The following PTPN12 variants were observed in gnomAD, a reference collection of about 807,000 sequenced individuals.
The protein encoded by PTPN12 is protein tyrosine phosphatase non-receptor type 12.
A neutral mutation model predicts 97.6 loss-of-function variants in PTPN12; 29 were observed. The ratio of observed to expected loss-of-function variants is 0.30; its 90% CI spans 0.22 to 0.41. The LOEUF (loss-of-function observed/expected upper bound fraction) is 0.41. PTPN12 is among the 10% of genes least tolerant of loss of function. The pLI is 1.00. For synonymous variants in PTPN12, 327 were observed against 300.4 expected (o/e 1.09, Z -0.91); for missense variants, 819 against 926.0 (o/e 0.88, Z 1.50).
chr7:77,625,905 AG>A (rs1789163371), intron 12 of PTPN12, among the ~76,000 whole-genome samples: 1 of 152,078 alleles, frequency 6.6e-6, no homozygotes, highest in Non-Finnish European at 1.5e-5. Context: ...AGGCAACTAG[AG>A]GGTATAACCC....
In PTPN12 at chr7:77,639,424, C is replaced by G; in HGVS notation, c.*144C>G. ...AATATTTTTTGCTGGGACCATCTACCTGCCTTATACTACACTTAGGAAAAA... is the reference window on the plus strand; with the variant it reads ...AATATTTTTTGCTGGGACCATCTACGTGCCTTATACTACACTTAGGAAAAA... On this transcript the variant is annotated 3_prime_UTR_variant, in exon 18 of 18. Coordinates refer to ENST00000248594, the MANE Select transcript of PTPN12 (RefSeq NM_002835.4). 1.6e-6 allele frequency: 1 copy of G among 608,556 alleles called. No individual in the cohort carries two copies. The highest frequency in any genetic ancestry group is 2.8e-6 in the Non-Finnish European group (1 of 351,828). 37.7% of individuals were successfully genotyped at this position (608,556 alleles called of 1,614,324 possible). A position where few individuals can be genotyped will look rare whatever the true frequency, so the allele number is the denominator to read the frequency against.
chr7:77,580,609 T>A (rs1787482857), intron 2 of PTPN12, among the ~76,000 whole-genome samples: 1 of 152,134 alleles, frequency 6.6e-6, no homozygotes, highest in Admixed American at 6.5e-5. Flanking sequence ...GTCTAATTTT[T>A]AAAAATTATA....
In PTPN12 at chr7:77,537,453, C is replaced by A; in HGVS notation, c.-94C>A. On this transcript the variant is annotated 5_prime_UTR_variant, in exon 1 of 18. It adds an upstream start codon to the 5' untranslated region. Coordinates refer to ENST00000248594, the MANE Select transcript of PTPN12 (RefSeq NM_002835.4). ...GGCGGGGTCGGGAGGGAGGGACGTGCTGGGGGAACGAGCTGGGGAAGACGG... is the reference window on the plus strand; with the variant it reads ...GGCGGGGTCGGGAGGGAGGGACGTGATGGGGGAACGAGCTGGGGAAGACGG... 7.8e-7 allele frequency: 1 copy of A among 1,276,376 alleles called. No homozygotes were observed. Among genetic ancestry groups the A allele is most frequent in the Admixed American group, 3.3e-5 (1 of 29,976 alleles). The allele number at this position is 1,276,376 out of a possible 1,614,324, so 79.1% of individuals were successfully genotyped here. A position where few individuals can be genotyped will look rare whatever the true frequency, so the allele number is the denominator to read the frequency against.
Position 77,639,397 on chromosome 7 carries a change from T to C in PTPN12, c.*117T>C. ...ACTAACAGCAGTGTAGATTGTTACC[T>C]TAATATTTTTTGCTGGGACCATCTA... is the stretch of plus-strand genomic sequence containing the variant. On this transcript the variant is annotated 3_prime_UTR_variant, in exon 18 of 18. Coordinates refer to ENST00000248594, the MANE Select transcript of PTPN12 (RefSeq NM_002835.4). 2.5e-6 allele frequency: 2 copies of C among 788,884 alleles called. No homozygotes were observed. Among genetic ancestry groups the C allele is most frequent in the Non-Finnish European group, 4.0e-6 (2 of 504,154 alleles). The allele number at this position is 788,884 out of a possible 1,614,324, so 48.9% of individuals were successfully genotyped here.
intron 2 of PTPN12, 27 bp from the exon 3 acceptor site, chr7:77,581,400 C>T (rs529468506): frequency 1.4e-6 from 2 of 1,479,736 alleles, no homozygotes; most frequent in African/African-American, 1.4e-5. Flanking sequence ...GTCAACCATA[C>T]ATATTTTATG....
chr7:77,539,245 G>C (rs1806831304), intron 1 of PTPN12, among the ~76,000 whole-genome samples: 1 of 152,010 alleles, frequency 6.6e-6, no homozygotes, highest in Non-Finnish European at 1.5e-5. Context: ...TGTGATTCCC[G>C]CCTCCCCAGA....
intron 12 of PTPN12, among the ~76,000 whole-genome samples, chr7:77,625,253 G>GT (rs141984662): frequency 0.029 from 4,060 of 139,224 alleles, 63 homozygotes; most frequent in Middle Eastern, 0.081. Flanking sequence ...TTCTTCTTTG[G>GT]TTTTTTTTTT....
intron 1 of PTPN12, among the ~76,000 whole-genome samples, chr7:77,539,649 T>C (rs1806855168): frequency 2.0e-5 from 3 of 151,874 alleles, no homozygotes; most frequent in Admixed American, 1.3e-4. Flanking sequence ...TGAGACGGAG[T>C]CTCGCTCTAC....
chr7:77,562,787 T>C (rs1808058398), intron 1 of PTPN12, among the ~76,000 whole-genome samples: 1 of 152,210 alleles, frequency 6.6e-6, no homozygotes, highest in Non-Finnish European at 1.5e-5. Context: ...ATAAAATTAA[T>C]GTATATGACA....
chr7:77,590,554 T>A (rs116848138), intron 5 of PTPN12, among the ~76,000 whole-genome samples: 1,849 of 147,332 alleles, frequency 0.013, 14 homozygotes, highest in Middle Eastern at 0.035. Flanking sequence ...CTATTTTTTT[T>A]AAATCTTTTT....
chr7:77,552,915 T>A (rs997613813), intron 1 of PTPN12, among the ~76,000 whole-genome samples: 4 of 152,172 alleles, frequency 2.6e-5, no homozygotes, highest in African/African-American at 4.8e-5. Context: ...GGACACAGTG[T>A]CAGATGTGTC....
chr7:77,615,230 A>G (rs1788708855), intron 11 of PTPN12, among the ~76,000 whole-genome samples: 2 of 152,180 alleles, frequency 1.3e-5, no homozygotes, highest in South Asian at 4.1e-4. Flanking sequence ...GTGTTTGTAT[A>G]GTACATTTTA....
At chr7:77,540,239 C>CT (rs71688645) in intron 1 of PTPN12, among the ~76,000 whole-genome samples, 24,392 of 143,358 alleles carry the variant, frequency 0.17, 2,598 homozygotes, top group African/African-American at 0.28. Context: ...TTCTTTCTTT[C>CT]TTTCTTTTTT....
chr7:77,607,193 T>C (rs1265449155), intron 8 of PTPN12, 42 bp from the exon 9 acceptor site: 1 of 1,436,740 alleles, frequency 7.0e-7, no homozygotes, highest in Non-Finnish European at 9.6e-7. Context: ...TATAGTTGTT[T>C]TATCACAAAA....
chr7:77,557,981 C>T (rs568265423), intron 1 of PTPN12, among the ~76,000 whole-genome samples: 64 of 152,032 alleles, frequency 4.2e-4, no homozygotes, highest in Non-Finnish European at 8.1e-4. Flanking sequence ...GAGGCTGAGG[C>T]GGGCAGATCA....
intron 12 of PTPN12, 131 bp downstream of exon 12, chr7:77,618,696 T>C: frequency 1.6e-6 from 1 of 632,600 alleles, no homozygotes. Flanking sequence ...GGATGTAACA[T>C]ACGTATGACA....
rs995918146 is a variant in PTPN12, at chr7:77,638,250, G to A, written c.2174-374G>A. ...TGGGATTACAGGCATGAGCCACCGCGCCTGGCCTGACCTTGTTGATTTCTA... is the reference window on the plus strand; with the variant it reads ...TGGGATTACAGGCATGAGCCACCGCACCTGGCCTGACCTTGTTGATTTCTA... On this transcript the variant is annotated intron_variant, in intron 16 of 17. Coordinates refer to ENST00000248594, the MANE Select transcript of PTPN12 (RefSeq NM_002835.4). Among the ~76,000 whole-genome samples the A allele has an allele frequency of 6.6e-5, 10 of 151,792 alleles. No homozygotes were observed. In the South Asian group the frequency reaches 1.0e-3, roughly 16 times the overall value.
intron 1 of PTPN12, among the ~76,000 whole-genome samples, chr7:77,563,449 A>G (rs1584113030): frequency 1.3e-5 from 2 of 152,232 alleles, no homozygotes; most frequent in Admixed American, 6.5e-5. Flanking sequence ...AGAGGTGTAT[A>G]TAAAGTAGAT....
At chr7:77,604,526 A>G (rs1369574092) in intron 8 of PTPN12, among the ~76,000 whole-genome samples, 1 of 151,962 alleles carries the variant, frequency 6.6e-6, no homozygotes, top group Non-Finnish European at 1.5e-5. Flanking sequence ...ATCTTTTAAT[A>G]GTTATACAAG....
Sources: allele counts gnomAD v4.1 joint callset (sites outside exome capture counted in the v4.1 genomes callset), GRCh38; gene constraint gnomAD v4.1.1; transcripts MANE v1.5; gene names NCBI Gene and HGNC (gene_info 2026-07-23, HGNC 2026-07-21).